Variants in METTL8 observed in about 807,000 individuals in gnomAD.
METTL8 encodes the protein tRNA N(3)-cytidine methyltransferase METTL8, mitochondrial.
Under a neutral mutation model 48.7 loss-of-function variants are expected in METTL8, and 32 were observed. The observed-to-expected ratio is 0.66, with a 90% confidence interval of 0.50 to 0.88. The LOEUF is 0.88. METTL8 is among the 40% of genes least tolerant of loss of function. METTL8 has a pLI of 0.00. For synonymous variants in METTL8, 136 were observed against 157.1 expected, an observed-to-expected ratio of 0.87 and a Z score of 1.01; for missense variants, 464 against 474.4, an observed-to-expected ratio of 0.98 and a Z score of 0.20.
chr2:171,375,252 A>G, intron 2 of METTL8: 2 of 1,127,984 alleles, frequency 1.8e-6, no homozygotes, highest in Non-Finnish European at 2.7e-6. Flanking sequence ...TTTTGGCATG[A>G]CCGTTGTTCC....
chr2:171,361,361 A>G (rs1459906307), intron 2 of METTL8, among the ~76,000 whole-genome samples: 1 of 151,976 alleles, frequency 6.6e-6, no homozygotes, highest in Non-Finnish European at 1.5e-5. Flanking sequence ...CCCCATATTC[A>G]AGTTGCATTT....
At position 171,390,315 on chromosome 2, in the gene METTL8, C is replaced by T. The variant is rs1054510836; in HGVS notation, c.143+1728G>A. ...GAAATGTACAAGGATATTAATGTTG[C>T]TTTCATGCCAACTAACACAATATCC... On this transcript the variant is annotated intron_variant, in intron 2 of 9. Transcript: ENST00000375258. Among the ~76,000 whole-genome samples the T allele has an allele frequency of 3.9e-5, 6 of 152,342 alleles. No homozygotes were observed. In the East Asian group the frequency reaches 9.6e-4, roughly 24 times the overall value.
chr2:171,326,165 T>A lies in METTL8; in HGVS notation c.861-17A>T. Reference sequence around the variant, plus strand: ...CCTTGCATCCTTTGGAAACAAAGTATTAAAAAGATACCCAGTTTGTAGAAA... The same window carrying A: ...CCTTGCATCCTTTGGAAACAAAGTAATAAAAAGATACCCAGTTTGTAGAAA... On this transcript the variant is annotated splice_polypyrimidine_tract_variant and intron_variant, in intron 7 of 9. Transcript: ENST00000375258. The A allele has an allele frequency of 7.6e-7, 1 of 1,314,494 alleles. No individual in the cohort carries two copies. Among genetic ancestry groups the A allele is most frequent in the Non-Finnish European group, 1.1e-6 (1 of 942,624 alleles). 81.4% of individuals were successfully genotyped at this position (1,314,494 alleles called of 1,614,324 possible).
intron 1 of METTL8, among the ~76,000 whole-genome samples, chr2:171,421,747 G>A (rs1301938430): frequency 6.6e-6 from 1 of 151,992 alleles, no homozygotes; most frequent in East Asian, 1.9e-4. Flanking sequence ...ATATAAGGAG[G>A]GCCAACTTTT....
intron 2 of METTL8, among the ~76,000 whole-genome samples, chr2:171,388,718 T>A (rs1688304673): frequency 6.6e-6 from 1 of 152,244 alleles, no homozygotes; most frequent in African/African-American, 2.4e-5. Flanking sequence ...CAACCCTGCA[T>A]TGAGCAAGTC....
At chr2:171,415,641 C>T (rs987509730) in intron 1 of METTL8, among the ~76,000 whole-genome samples, 9 of 152,000 alleles carry the variant, frequency 5.9e-5, no homozygotes, top group East Asian at 3.8e-4. Flanking sequence ...TTAGCTACCA[C>T]GCCTGGCCTA....
At chr2:171,382,083 G>A (rs1412371603) in intron 2 of METTL8, among the ~76,000 whole-genome samples, 4 of 151,998 alleles carry the variant, frequency 2.6e-5, no homozygotes, top group Admixed American at 1.3e-4. Flanking sequence ...CGCCCAGCCA[G>A]GAATGCTTTT....
intron 1 of METTL8, among the ~76,000 whole-genome samples, chr2:171,400,392 G>A (rs1236901354): frequency 6.6e-6 from 1 of 152,140 alleles, no homozygotes; most frequent in Non-Finnish European, 1.5e-5. Flanking sequence ...TGATTCCCCA[G>A]TCTTTAATGG....
At chr2:171,423,441 AG>A (rs1396361678) in intron 1 of METTL8, among the ~76,000 whole-genome samples, 1 of 152,218 alleles carries the variant, frequency 6.6e-6, no homozygotes, top group Non-Finnish European at 1.5e-5. Flanking sequence ...AGAGACTTGG[AG>A]GGCTCAGAAG....
At chr2:171,355,809 C>T (rs988617201) in intron 3 of METTL8, among the ~76,000 whole-genome samples, 4 of 152,204 alleles carry the variant, frequency 2.6e-5, no homozygotes, top group Non-Finnish European at 2.9e-5. Flanking sequence ...TTGCTAAGAC[C>T]GTTGGAAAAG....
At chr2:171,432,770 G>A (rs1200054406) in intron 1 of METTL8, among the ~76,000 whole-genome samples, 1 of 152,172 alleles carries the variant, frequency 6.6e-6, no homozygotes, top group Non-Finnish European at 1.5e-5. Context: ...ACCCAGTACT[G>A]TAAGTACTCA....
At chr2:171,400,726 G>C (rs879007680) in intron 1 of METTL8, among the ~76,000 whole-genome samples, 3 of 152,102 alleles carry the variant, frequency 2.0e-5, no homozygotes, top group Admixed American at 1.3e-4. Flanking sequence ...CTGAGTAGTA[G>C]AGGCAAAGAA....
At chr2:171,430,702 C>A (rs1692922940) in intron 1 of METTL8, among the ~76,000 whole-genome samples, 1 of 152,040 alleles carries the variant, frequency 6.6e-6, no homozygotes, top group South Asian at 2.1e-4. Context: ...GCAGACAAAT[C>A]CTAGGCAGAT....
At chr2:171,348,970 T>C (rs965193221) in intron 3 of METTL8, among the ~76,000 whole-genome samples, 1 of 152,176 alleles carries the variant, frequency 6.6e-6, no homozygotes, top group African/African-American at 2.4e-5. Flanking sequence ...CTTTTGTTTG[T>C]AGTGTGCTTT....
At chr2:171,414,184 A>G (rs1691042873) in intron 1 of METTL8, among the ~76,000 whole-genome samples, 1 of 152,138 alleles carries the variant, frequency 6.6e-6, no homozygotes, top group African/African-American at 2.4e-5. Flanking sequence ...TTGAGAGGCC[A>G]AGGTGGGCGG....
intron 1 of METTL8, among the ~76,000 whole-genome samples, chr2:171,408,166 A>G (rs1690379878): frequency 6.6e-6 from 1 of 152,230 alleles, no homozygotes; most frequent in African/African-American, 2.4e-5. Context: ...GTGTTCATAA[A>G]CAACATAGTA....
At chr2:171,356,261 T>TC (rs917879136) in intron 3 of METTL8, among the ~76,000 whole-genome samples, 3 of 152,034 alleles carry the variant, frequency 2.0e-5, no homozygotes, top group African/African-American at 7.2e-5. Flanking sequence ...CTGCCTCAGC[T>TC]CCCGAATAGC....
chr2:171,370,837 G>A (rs1686255190), intron 2 of METTL8, among the ~76,000 whole-genome samples: 1 of 152,004 alleles, frequency 6.6e-6, no homozygotes, highest in Non-Finnish European at 1.5e-5. Flanking sequence ...TTAAGATTAA[G>A]TACTTTGAAG....
chr2:171,329,116 G>A (rs1685258973), intron 7 of METTL8, among the ~76,000 whole-genome samples: 3 of 152,096 alleles, frequency 2.0e-5, no homozygotes, highest in Admixed American at 2.0e-4. Flanking sequence ...CTCCCAAGGA[G>A]CTGGGATTAT....
Sources: gnomAD v4.1 joint callset for allele counts (sites outside exome capture counted in the v4.1 genomes callset) on GRCh38, gnomAD v4.1.1 for gene constraint, MANE v1.5 for transcripts, NCBI Gene and HGNC (gene_info 2026-07-23, HGNC 2026-07-21) for gene names.